The following CSMD1 variants were observed in gnomAD, a reference collection of about 807,000 sequenced individuals.
CSMD1 encodes the protein CUB and sushi domain-containing protein 1.
Under a neutral mutation model 417.5 loss-of-function variants are expected in CSMD1, and 213 were observed. The observed-to-expected ratio is 0.51, with a 90% CI of 0.46 to 0.57. The LOEUF is 0.57. Ranked by LOEUF, CSMD1 falls within the 20% of genes least tolerant of loss-of-function variation. The probability of loss-of-function intolerance (pLI) is 0.00; values close to 1 mark genes in which losing one functional copy is unlikely to be tolerated. For synonymous variants in CSMD1, 2,862 were observed against 1,736.8 expected, an observed-to-expected ratio of 1.65 and a Z score of -16.11; for missense variants, 6,923 against 4,529.7, an observed-to-expected ratio of 1.53 and a Z score of -15.17.
chr8:4,220,907 G>C (rs748594347), intron 3 of CSMD1, among the ~76,000 whole-genome samples: 3 of 152,174 alleles, frequency 2.0e-5, no homozygotes, highest in Admixed American at 1.3e-4. Flanking sequence ...GGAATAAGTA[G>C]GCTTCCTGAT....
chr8:2,960,963 T>TATATATAC (rs1295461624), intron 62 of CSMD1, among the ~76,000 whole-genome samples, 178 bp downstream of exon 62: 1 of 126,066 alleles, frequency 7.9e-6, no homozygotes, highest in Non-Finnish European at 1.6e-5. Context: ...TATATATATA[T>TATATATAC]ATACATATAT....
At chr8:4,468,382 A>T (rs1194970372) in intron 2 of CSMD1, among the ~76,000 whole-genome samples, 1 of 152,198 alleles carries the variant, frequency 6.6e-6, no homozygotes, top group Non-Finnish European at 1.5e-5. Context: ...AAAGAGGATA[A>T]TATTTTGATT....
intron 50 of CSMD1, among the ~76,000 whole-genome samples, chr8:3,037,245 G>C (rs373338184): frequency 0.21 from 31,692 of 148,252 alleles, 3,980 homozygotes; most frequent in Non-Finnish European, 0.28. Context: ...TCGCTCTGTG[G>C]CCCAGGCTGG....
chr8:3,991,967 GT>G (rs909441237), intron 5 of CSMD1, among the ~76,000 whole-genome samples: 6 of 150,568 alleles, frequency 4.0e-5, no homozygotes, highest in Admixed American at 3.3e-4. Flanking sequence ...ATTATTAAAT[GT>G]TTTTTTACAA....
chr8:3,502,039 C>T (rs1249395064), intron 10 of CSMD1, among the ~76,000 whole-genome samples: 2 of 152,108 alleles, frequency 1.3e-5, no homozygotes, highest in Admixed American at 6.5e-5. Context: ...CAACTATATG[C>T]TTATCAAATA....
intron 1 of CSMD1, among the ~76,000 whole-genome samples, chr8:4,681,932 G>T (rs763724433): frequency 1.3e-5 from 2 of 152,168 alleles, no homozygotes; most frequent in African/African-American, 2.4e-5. Context: ...TCACTAGGAA[G>T]TGTTGATTTA....
intron 42 of CSMD1, among the ~76,000 whole-genome samples, chr8:3,114,078 CAAACA>C (rs869186304): frequency 6.6e-6 from 1 of 151,608 alleles, no homozygotes; most frequent in East Asian, 1.9e-4. Context: ...AACAAACAAA[CAAACA>C]AAAAACATTA....
intron 5 of CSMD1, among the ~76,000 whole-genome samples, chr8:3,972,727 A>G (rs944597731): frequency 1.2e-4 from 19 of 152,234 alleles, no homozygotes; most frequent in Non-Finnish European, 2.6e-4. Flanking sequence ...TTGTGGGAGT[A>G]AACACACAGC....
rs193211233 is a variant in CSMD1, at chr8:4,099,374, C to T, written c.416-67275G>A. ...GTTCAGTCATAAAATCTGGTAATCA[C>T]GCCTCACCTCCTATCGCTTACCTGA... On this transcript the variant is annotated intron_variant, in intron 3 of 69. Coordinates refer to ENST00000635120, the MANE Select transcript of CSMD1 (RefSeq NM_033225.6). Among the ~76,000 whole-genome samples, 9 of 152,190 alleles carry T rather than the reference C, an allele frequency of 5.9e-5. No individual in the cohort carries two copies. The East Asian group carries it at 9.7e-4, about 16-fold the overall frequency.
chr8:4,925,542 TTTTTTC>T (rs1806799199), intron 1 of CSMD1, among the ~76,000 whole-genome samples: 1 of 148,000 alleles, frequency 6.8e-6, no homozygotes, highest in Non-Finnish European at 1.5e-5. Flanking sequence ...ATTTTCTTTT[TTTTTTC>T]TTTTTTCTTT....
chr8:4,292,052 G>C (rs932104312), intron 3 of CSMD1, among the ~76,000 whole-genome samples: 9 of 152,180 alleles, frequency 5.9e-5, no homozygotes, highest in African/African-American at 1.7e-4. Flanking sequence ...TGGAGGTTTG[G>C]ACACTTGATC....
At chr8:4,668,319 C>G (rs1315638013) in intron 1 of CSMD1, among the ~76,000 whole-genome samples, 1 of 151,792 alleles carries the variant, frequency 6.6e-6, no homozygotes, top group East Asian at 1.9e-4. Context: ...CTTGGATGAT[C>G]ACAGCACTGT....
chr8:4,403,442 C>G (rs1011870893), intron 3 of CSMD1, among the ~76,000 whole-genome samples: 6 of 152,122 alleles, frequency 3.9e-5, no homozygotes, highest in Admixed American at 3.9e-4. Flanking sequence ...CCATTCGACT[C>G]AAAATGTCCT....
chr8:4,637,897 C>A (rs555336783), intron 1 of CSMD1, among the ~76,000 whole-genome samples: 2 of 151,890 alleles, frequency 1.3e-5, no homozygotes, highest in African/African-American at 4.8e-5. Flanking sequence ...GTCTCGATCT[C>A]CTGACCTCAT....
At chr8:3,682,858 AG>A (rs1799736844) in intron 7 of CSMD1, among the ~76,000 whole-genome samples, 1 of 152,184 alleles carries the variant, frequency 6.6e-6, no homozygotes, top group Non-Finnish European at 1.5e-5. Flanking sequence ...AATACTATGT[AG>A]CCATAAAAAA....
intron 3 of CSMD1, among the ~76,000 whole-genome samples, chr8:4,412,538 C>G (rs1366313362): frequency 6.6e-6 from 1 of 152,138 alleles, no homozygotes; most frequent in Admixed American, 6.5e-5. Context: ...GAAAATTACC[C>G]AGTCTCCGGT....
chr8:4,925,215 G>GTTTTTTTTTTTTTTTTTTTT (rs10692207), intron 1 of CSMD1, among the ~76,000 whole-genome samples: 1 of 72,734 alleles, frequency 1.4e-5, no homozygotes, highest in African/African-American at 5.5e-5. Context: ...CAGTTTTATG[G>GTTTTTTTTTTTTTTTTTTTT]TTTTTTTTTT....
intron 6 of CSMD1, among the ~76,000 whole-genome samples, chr8:3,720,369 C>G (rs775799440): frequency 2.6e-5 from 4 of 152,166 alleles, no homozygotes; most frequent in Non-Finnish European, 5.9e-5. Context: ...CTGCTTCTGC[C>G]TTTTCTATCT....
At chr8:3,396,502 A>G (rs894793541) in intron 16 of CSMD1, 121 bp from the exon 17 acceptor site, 34 of 667,232 alleles carry the variant, frequency 5.1e-5, no homozygotes, top group Non-Finnish European at 8.2e-5. Context: ...AAATAGTTGA[A>G]ATTACATATG....
Sources: gnomAD v4.1 joint callset for allele counts (sites outside exome capture counted in the v4.1 genomes callset) on GRCh38, gnomAD v4.1.1 for gene constraint, MANE v1.5 for transcripts, NCBI Gene and HGNC (gene_info 2026-07-23, HGNC 2026-07-21) for gene names.